The following PROS1 variants were observed in gnomAD, a reference collection of about 807,000 sequenced individuals.
PROS1 encodes vitamin K-dependent protein S.
Under a neutral mutation model 75.9 loss-of-function variants are expected in PROS1, and 29 were observed. The ratio of observed to expected loss-of-function variants is 0.38; its 90% CI spans 0.28 to 0.52. PROS1 has a LOEUF of 0.52. Ranked by LOEUF, PROS1 falls within the 20% of genes least tolerant of loss-of-function variation. The pLI, the probability that PROS1 is intolerant of heterozygous loss-of-function variation, is 0.83. For synonymous variants in PROS1, 245 were observed against 280.6 expected (o/e 0.87, Z 1.27); for missense variants, 680 against 810.3 (o/e 0.84, Z 1.95).
intron 11 of PROS1, among the ~76,000 whole-genome samples, chr3:93,885,839 G>A (rs192515182): frequency 2.0e-5 from 3 of 152,228 alleles, no homozygotes; most frequent in African/African-American, 4.8e-5. Context: ...AATGAAAGAC[G>A]GATGTAAGAT....
intron 4 of PROS1, among the ~76,000 whole-genome samples, chr3:93,910,142 C>A (rs1708738381): frequency 6.6e-6 from 1 of 152,094 alleles, no homozygotes; most frequent in South Asian, 2.1e-4. Flanking sequence ...AAAAAAGAGT[C>A]AAAAATAATG....
At chr3:93,929,213 C>T (rs1247415844) in intron 1 of PROS1, among the ~76,000 whole-genome samples, 1 of 152,178 alleles carries the variant, frequency 6.6e-6, no homozygotes, top group African/African-American at 2.4e-5. Context: ...CACGGTGGCT[C>T]ATGCCTGTAA....
At chr3:93,888,859 C>G (rs1256276342) in intron 10 of PROS1, among the ~76,000 whole-genome samples, 1 of 152,118 alleles carries the variant, frequency 6.6e-6, no homozygotes, top group Non-Finnish European at 1.5e-5. Flanking sequence ...TAGATCATGT[C>G]CCTTCTCAAA....
rs535429345 is a variant in PROS1 at position 93,892,339 on chromosome 3, A to T, written c.1155+594T>A. The stretch of plus-strand genomic sequence containing the variant: ...GAGTGAGACTGTCTCAAAAAAAAAA[A>T]ATATGCTAGCCGCGGTGGCTCACAT... On this transcript the variant is annotated intron_variant, in intron 10 of 14. Coordinates refer to ENST00000394236, the MANE Select transcript of PROS1 (RefSeq NM_000313.4). 3.3e-5 allele frequency among the ~76,000 whole-genome samples: 5 copies of T among 150,654 alleles called. No individual in the cohort carries two copies. The South Asian group carries it at 6.3e-4, about 19-fold the overall frequency.
At chr3:93,950,005 T>C (rs1316697246) in intron 1 of PROS1, among the ~76,000 whole-genome samples, 1 of 152,026 alleles carries the variant, frequency 6.6e-6, no homozygotes, top group African/African-American at 2.4e-5. Flanking sequence ...TTTCCAATGG[T>C]CTTATCAAAT....
At position 93,893,114 on chromosome 3, in the gene PROS1, G is replaced by C; in HGVS notation, c.974C>G (p.Ala325Gly). Residue 325 changes from alanine to glycine, a missense_variant, in exon 10 of 15, where the codon GCA (alanine) becomes GGA (glycine). Coordinates refer to ENST00000394236, the MANE Select transcript of PROS1 (RefSeq NM_000313.4). ...ATCATATGTCCGGAAATCAAATTCT[G>C]CTGAAAATCTAAACAATGGACAAAG... The part of the protein sequence containing the change: ...FRLPEISRFS[A>G]EFDFRTYDSE... The C allele has an allele frequency of 6.2e-7, 1 of 1,612,118 alleles. No homozygotes were observed. Among genetic ancestry groups the C allele is most frequent in the Non-Finnish European group, 8.5e-7 (1 of 1,178,638 alleles).
At chr3:93,968,679 T>C (rs963922859) in intron 1 of PROS1, among the ~76,000 whole-genome samples, 9 of 152,162 alleles carry the variant, frequency 5.9e-5, no homozygotes, top group Admixed American at 1.3e-4. Flanking sequence ...TTCCACTGAA[T>C]TATAAGCTCA....
At chr3:93,927,946 T>TATATATAC (rs1553814513) in intron 1 of PROS1, among the ~76,000 whole-genome samples, 1 of 140,716 alleles carries the variant, frequency 7.1e-6, no homozygotes, top group Non-Finnish European at 1.5e-5. Flanking sequence ...TATGTATATA[T>TATATATAC]ATATACTTGT....
intron 1 of PROS1, among the ~76,000 whole-genome samples, chr3:93,962,079 A>G (rs1306066556): frequency 1.3e-5 from 2 of 152,112 alleles, no homozygotes; most frequent in Non-Finnish European, 2.9e-5. Flanking sequence ...AGTTCTCCCT[A>G]GATCAAACAT....
At chr3:93,917,086 G>C (rs976601190) in intron 3 of PROS1, among the ~76,000 whole-genome samples, 29 of 152,284 alleles carry the variant, frequency 1.9e-4, no homozygotes, top group African/African-American at 5.5e-4. Flanking sequence ...GTTTTGACTG[G>C]AGGAGCACAA....
chr3:93,964,333 T>C (rs1010766779), intron 1 of PROS1, among the ~76,000 whole-genome samples: 2 of 152,176 alleles, frequency 1.3e-5, no homozygotes, highest in African/African-American at 4.8e-5. Flanking sequence ...CATTGCTAAA[T>C]TCTTTTCCTA....
chr3:93,923,639 G>T (rs182413489), intron 3 of PROS1, among the ~76,000 whole-genome samples: 23 of 152,286 alleles, frequency 1.5e-4, no homozygotes, highest in African/African-American at 4.8e-4. Flanking sequence ...GGTGGGTCAT[G>T]CCTGTAATCC....
chr3:93,915,719 C>G (rs1708835754), intron 3 of PROS1, among the ~76,000 whole-genome samples: 1 of 152,150 alleles, frequency 6.6e-6, no homozygotes, highest in Non-Finnish European at 1.5e-5. Flanking sequence ...TTTCTACCAA[C>G]AATCTAATCA....
chr3:93,968,817 G>C (rs1319032786), intron 1 of PROS1, among the ~76,000 whole-genome samples: 2 of 152,108 alleles, frequency 1.3e-5, no homozygotes, highest in African/African-American at 2.4e-5. Context: ...TACTAATCAG[G>C]GTTAGGTGTG....
chr3:93,935,804 C>T (rs1411105131), intron 1 of PROS1, among the ~76,000 whole-genome samples: 2 of 151,712 alleles, frequency 1.3e-5, no homozygotes, highest in Admixed American at 1.3e-4. Flanking sequence ...AACCAAAAGG[C>T]TTTAAGACAC....
At position 93,898,481 on chromosome 3, in the gene PROS1, T is replaced by A. The variant is rs748053104; in HGVS notation, c.816A>T (p.Gly272=). Residue 272 remains glycine (G), a synonymous_variant, in exon 8 of 15, where the codon GGA becomes GGT. Transcript: ENST00000394236. ...GYTCYCDGKK[G]FKLAQDQKSC... Reference sequence around the variant, plus strand: ...TCTTCTGATCTTGGGCAAGTTTGAATCCTTTCTTCCCATCACAATAGCAAG... The same window carrying A: ...TCTTCTGATCTTGGGCAAGTTTGAAACCTTTCTTCCCATCACAATAGCAAG... The A allele has an allele frequency of 6.2e-7, 1 of 1,612,842 alleles. No individual in the cohort carries two copies. The highest frequency in any genetic ancestry group is 1.1e-5 in the South Asian group (1 of 91,062).
intron 10 of PROS1, among the ~76,000 whole-genome samples, chr3:93,892,476 T>A (rs1323350976): frequency 1.3e-5 from 2 of 151,352 alleles, no homozygotes; most frequent in Non-Finnish European, 1.5e-5. Context: ...AACACAAAAT[T>A]AGCCGGGCAT....
chr3:93,899,319 T>C (rs1392567383), intron 7 of PROS1, among the ~76,000 whole-genome samples: 1 of 152,072 alleles, frequency 6.6e-6, no homozygotes, highest in South Asian at 2.1e-4. Flanking sequence ...GACATTTTCA[T>C]TGGATATGCC....
intron 10 of PROS1, among the ~76,000 whole-genome samples, chr3:93,889,650 A>G (rs1708401305): frequency 6.6e-6 from 1 of 152,172 alleles, no homozygotes. Context: ...GAGGGACTGG[A>G]TGGAGCCACA....
Sources: gnomAD v4.1 joint callset for allele counts (sites outside exome capture counted in the v4.1 genomes callset) on GRCh38, gnomAD v4.1.1 for gene constraint, MANE v1.5 for transcripts, NCBI Gene and HGNC (gene_info 2026-07-23, HGNC 2026-07-21) for gene names.